ADGRB3: variants seen among roughly 807,000 people sequenced by gnomAD.
ADGRB3 encodes the protein brain-specific angiogenesis inhibitor 3.
A neutral mutation model predicts 193.4 loss-of-function variants in ADGRB3; 37 were observed. The ratio of observed to expected loss-of-function variants is 0.19; its 90% CI spans 0.15 to 0.25. ADGRB3 has a LOEUF of 0.25. Among genes scored for constraint, ADGRB3 ranks in the 10% least tolerant of loss-of-function variants. ADGRB3 has a pLI of 1.00. For missense variants in ADGRB3, 1,637 were observed against 1,852.9 expected (o/e 0.88, Z 2.14); for synonymous variants, 690 against 644.2 (o/e 1.07, Z -1.08).
chr6:68,848,507 C>T (rs1024927741), intron 3 of ADGRB3, among the ~76,000 whole-genome samples: 10 of 151,960 alleles, frequency 6.6e-5, no homozygotes, highest in African/African-American at 1.9e-4. Flanking sequence ...AAGCAAGTGG[C>T]TATGATTCTG....
At chr6:69,183,152 A>G (rs1764970682) in intron 17 of ADGRB3, among the ~76,000 whole-genome samples, 1 of 152,004 alleles carries the variant, frequency 6.6e-6, no homozygotes, top group African/African-American at 2.4e-5. Context: ...TTTTTTTCTA[A>G]TATATGCACT....
intron 21 of ADGRB3, among the ~76,000 whole-genome samples, chr6:69,326,047 G>A (rs1299847028): frequency 1.3e-5 from 2 of 152,122 alleles, no homozygotes; most frequent in South Asian, 2.1e-4. Flanking sequence ...TTCGAGATTA[G>A]CCTGAGCAAT....
In ADGRB3 at chr6:68,974,799, C is replaced by T. The variant is rs771314715; in HGVS notation, c.1562C>T (p.Ser521Leu). The T allele has an allele frequency of 4.3e-6, 7 of 1,613,880 alleles. No homozygotes were observed. Among genetic ancestry groups the T allele is most frequent in the South Asian group, 2.2e-5 (2 of 91,062 alleles). ...ATATGCCCTGAGGATTATCTGATGT[C>T]GATGGTGTGGAAAAGAACTCCAGCA... is the stretch of plus-strand genomic sequence containing the variant. ...YEICPEDYLM[S>L]MVWKRTPAGD... Residue 521 changes from serine (S) to leucine (L), a missense_variant, in exon 9 of 32, where the codon TCG becomes TTG. Physicochemically the swap from Ser to Leu is moderately radical, Grantham distance 145. Transcript: ENST00000370598.
At chr6:69,330,700 T>C (rs180840312) in intron 23 of ADGRB3, 128 bp downstream of exon 23, 2 of 559,022 alleles carry the variant, frequency 3.6e-6, no homozygotes, top group Admixed American at 7.4e-5. Flanking sequence ...TGGACTATTA[T>C]TCTAATTGAA....
intron 3 of ADGRB3, among the ~76,000 whole-genome samples, chr6:68,815,604 TGTGTGTG>T (rs1351232543): frequency 1.3e-4 from 1 of 7,538 alleles, no homozygotes; most frequent in African/African-American, 9.7e-4. Flanking sequence ...CATCAAAAAT[TGTGTGTG>T]TGTGTGTGTG....
At chr6:69,257,127 G>A (rs1766795551) in intron 20 of ADGRB3, among the ~76,000 whole-genome samples, 3 of 152,072 alleles carry the variant, frequency 2.0e-5, no homozygotes, top group Admixed American at 6.6e-5. Flanking sequence ...GAGGATTTTT[G>A]CATCAATGTT....
intron 3 of ADGRB3, among the ~76,000 whole-genome samples, chr6:68,815,169 CAGTT>C (rs1767604851): frequency 6.6e-6 from 1 of 152,060 alleles, no homozygotes; most frequent in Admixed American, 6.6e-5. Flanking sequence ...TGTTTCAAGG[CAGTT>C]AGTTTCCCAG....
At chr6:68,881,303 ATC>A (rs1464278081) in intron 3 of ADGRB3, among the ~76,000 whole-genome samples, 4 of 152,062 alleles carry the variant, frequency 2.6e-5, no homozygotes, top group Non-Finnish European at 5.9e-5. Context: ...TTGCAGAGTG[ATC>A]TCTCTCAAAT....
intron 17 of ADGRB3, among the ~76,000 whole-genome samples, chr6:69,090,643 G>A (rs1213960787): frequency 2.0e-5 from 3 of 152,176 alleles, no homozygotes; most frequent in Non-Finnish European, 4.4e-5. Context: ...ATCTGTAGGG[G>A]AAATGTTAGA....
chr6:69,264,966 TTCTC>T (rs1767009032), intron 20 of ADGRB3, among the ~76,000 whole-genome samples: 2 of 151,966 alleles, frequency 1.3e-5, no homozygotes, highest in South Asian at 4.2e-4. Context: ...TTAGCCTTCT[TTCTC>T]TCTCTCTGTT....
chr6:69,044,262 T>C (rs1771175492), intron 13 of ADGRB3, among the ~76,000 whole-genome samples: 1 of 152,172 alleles, frequency 6.6e-6, no homozygotes, highest in African/African-American at 2.4e-5. Context: ...ACATTCTCGC[T>C]CCTAGACTTT....
Position 68,707,615 on chromosome 6 carries a change from ATTATAC to A in ADGRB3, c.757+68189_757+68194del, listed in dbSNP as rs534701207. 7.2e-5 allele frequency among the ~76,000 whole-genome samples: 11 copies of A among 152,318 alleles called. No individual in the cohort carries two copies. In the South Asian group the frequency reaches 1.9e-3, roughly 26 times the overall value. ...CTGTATTTGTGAGATTAATTGAATA[ATTATAC>A]TTATAAATTATTGAGAAATAATCTT... On this transcript the variant is annotated intron_variant, in intron 3 of 31. Transcript: ENST00000370598.
intron 3 of ADGRB3, among the ~76,000 whole-genome samples, chr6:68,902,711 C>T (rs566652875): frequency 5.3e-5 from 8 of 152,024 alleles, no homozygotes; most frequent in African/African-American, 1.7e-4. Context: ...CACATATAAT[C>T]ATGTGATTCT....
chr6:69,022,841 T>A (rs1562125550), intron 13 of ADGRB3, among the ~76,000 whole-genome samples: 1 of 152,002 alleles, frequency 6.6e-6, no homozygotes, highest in African/African-American at 2.4e-5. Context: ...GTGTATGAGA[T>A]CTGACATGAC....
At chr6:68,673,958 T>C (rs1355754788) in intron 3 of ADGRB3, among the ~76,000 whole-genome samples, 2 of 152,118 alleles carry the variant, frequency 1.3e-5, no homozygotes, top group Admixed American at 6.6e-5. Context: ...AAAATTATAG[T>C]AAATTTAAGG....
At chr6:68,763,333 G>A (rs1290108261) in intron 3 of ADGRB3, among the ~76,000 whole-genome samples, 9 of 152,094 alleles carry the variant, frequency 5.9e-5, no homozygotes, top group East Asian at 5.8e-4. Flanking sequence ...CAGGTGATCC[G>A]CCCGCCTTGG....
intron 17 of ADGRB3, among the ~76,000 whole-genome samples, chr6:69,088,138 C>A (rs1404914321): frequency 1.3e-5 from 2 of 152,046 alleles, no homozygotes; most frequent in Non-Finnish European, 2.9e-5. Flanking sequence ...CTGTATAGTT[C>A]TCAGAGCAGA....
chr6:68,990,651 T>C (rs887469990), intron 10 of ADGRB3, among the ~76,000 whole-genome samples: 5 of 152,156 alleles, frequency 3.3e-5, no homozygotes, highest in South Asian at 2.1e-4. Context: ...ACTATTTTTA[T>C]TGCAAACAGA....
At chr6:69,211,524 A>G (rs550670108) in intron 17 of ADGRB3, among the ~76,000 whole-genome samples, 31 of 152,292 alleles carry the variant, frequency 2.0e-4, no homozygotes, top group African/African-American at 7.0e-4. Flanking sequence ...CAAGAACACT[A>G]TCAGGTAGAA....
Sources: allele counts gnomAD v4.1 joint callset (sites outside exome capture counted in the v4.1 genomes callset), GRCh38; gene constraint gnomAD v4.1.1; transcripts MANE v1.5; gene names NCBI Gene and HGNC (gene_info 2026-07-23, HGNC 2026-07-21).